Variants in CSMD1 observed in about 807,000 individuals in gnomAD.
CSMD1 encodes the protein CUB and sushi domain-containing protein 1.
In CSMD1, 213 loss-of-function variants were observed where a neutral mutation model predicts 417.5. The observed-to-expected ratio is 0.51, with a 90% confidence interval of 0.46 to 0.57. The LOEUF is 0.57. Ranked by LOEUF, CSMD1 falls within the 20% of genes least tolerant of loss-of-function variation. The pLI is 0.00. For missense variants in CSMD1, 6,923 were observed against 4,529.7 expected (o/e 1.53, Z -15.17); for synonymous variants, 2,862 against 1,736.8 (o/e 1.65, Z -16.11).
At chr8:3,312,135 A>T (rs537902736) in intron 23 of CSMD1, among the ~76,000 whole-genome samples, 1 of 152,226 alleles carries the variant, frequency 6.6e-6, no homozygotes, top group Non-Finnish European at 1.5e-5. Flanking sequence ...TGTATCCATT[A>T]AAATGTCTAC....
At chr8:4,747,630 T>A (rs1465868115) in intron 1 of CSMD1, among the ~76,000 whole-genome samples, 1 of 152,214 alleles carries the variant, frequency 6.6e-6, no homozygotes, top group African/African-American at 2.4e-5. Context: ...GTTAGCATCA[T>A]TATCAACCTT....
At chr8:3,833,067 G>C (rs900953090) in intron 5 of CSMD1, among the ~76,000 whole-genome samples, 2 of 152,094 alleles carry the variant, frequency 1.3e-5, no homozygotes, top group African/African-American at 4.8e-5. Context: ...GCAGCTGTTT[G>C]AATGTTTCTG....
In CSMD1 at chr8:4,139,621, G is replaced by T. The variant is rs1276447444; in HGVS notation, c.416-107522C>A. Reference sequence around the variant, plus strand: ...CAAGGGGACAAGGAGCAGAGGAAGGGCATTTGGAATAGTGGGACCAGCAGA... The same window carrying T: ...CAAGGGGACAAGGAGCAGAGGAAGGTCATTTGGAATAGTGGGACCAGCAGA... On this transcript the variant is annotated intron_variant, in intron 3 of 69. Coordinates refer to ENST00000635120, the MANE Select transcript of CSMD1 (RefSeq NM_033225.6). Among the ~76,000 whole-genome samples, 2 of 151,218 alleles carry T rather than the reference G, an allele frequency of 1.3e-5. 1 individual carries two copies. Among genetic ancestry groups the T allele is most frequent in the African/African-American group, 4.9e-5 (2 of 40,520 alleles).
intron 2 of CSMD1, among the ~76,000 whole-genome samples, chr8:4,566,106 A>T (rs1186773629): frequency 6.6e-6 from 1 of 152,098 alleles, no homozygotes; most frequent in East Asian, 1.9e-4. Flanking sequence ...CCAGAATTGT[A>T]CTTTCCAGGA....
At chr8:3,979,634 G>C (rs1041542346) in intron 5 of CSMD1, among the ~76,000 whole-genome samples, 2 of 152,186 alleles carry the variant, frequency 1.3e-5, no homozygotes, top group African/African-American at 2.4e-5. Flanking sequence ...AGAGATTCCA[G>C]AGCTCTCTCC....
chr8:4,715,346 G>A (rs1045743025), intron 1 of CSMD1, among the ~76,000 whole-genome samples: 1 of 152,106 alleles, frequency 6.6e-6, no homozygotes, highest in Non-Finnish European at 1.5e-5. Flanking sequence ...AATTTACAAA[G>A]CAATGCTTCA....
At chr8:3,775,338 C>T (rs141274139) in intron 5 of CSMD1, among the ~76,000 whole-genome samples, 125 of 152,298 alleles carry the variant, frequency 8.2e-4, no homozygotes, top group African/African-American at 2.2e-3. Context: ...ATGTATCCTA[C>T]GCCTTCACCT....
chr8:3,401,179 A>C (rs945563756), intron 15 of CSMD1, among the ~76,000 whole-genome samples: 2 of 152,018 alleles, frequency 1.3e-5, no homozygotes, highest in African/African-American at 4.8e-5. Flanking sequence ...AAGATACTAT[A>C]TAAGAAAGAC....
intron 18 of CSMD1, among the ~76,000 whole-genome samples, chr8:3,370,157 T>C (rs553479164): frequency 6.6e-6 from 1 of 152,344 alleles, no homozygotes; most frequent in African/African-American, 2.4e-5. Context: ...ACCTTTTGAA[T>C]AGACTCCATA....
chr8:3,954,789 C>T (rs893249511), intron 5 of CSMD1, among the ~76,000 whole-genome samples: 1 of 151,628 alleles, frequency 6.6e-6, no homozygotes, highest in Non-Finnish European at 1.5e-5. Flanking sequence ...GAGTTACATG[C>T]ACGCAGAGCC....
intron 5 of CSMD1, among the ~76,000 whole-genome samples, chr8:3,791,906 A>C (rs998543919): frequency 1.3e-5 from 2 of 152,172 alleles, no homozygotes; most frequent in African/African-American, 4.8e-5. Context: ...TGGCATTGAA[A>C]GTAATGGCAA....
intron 2 of CSMD1, among the ~76,000 whole-genome samples, chr8:4,422,623 C>T (rs1370638117): frequency 4.6e-5 from 7 of 152,042 alleles, no homozygotes; most frequent in Admixed American, 3.3e-4. Context: ...GACTCCAGAA[C>T]TGTGAAAAAA....
At chr8:3,579,321 T>A (rs1213708998) in intron 9 of CSMD1, among the ~76,000 whole-genome samples, 1 of 142,882 alleles carries the variant, frequency 7.0e-6, no homozygotes, top group Non-Finnish European at 1.6e-5. Context: ...GTTTGTTTCA[T>A]GCAATTTATC....
intron 42 of CSMD1, among the ~76,000 whole-genome samples, chr8:3,111,666 T>C (rs1816524638): frequency 2.0e-5 from 3 of 152,114 alleles, no homozygotes; most frequent in Admixed American, 2.0e-4. Context: ...ACCCTAACTC[T>C]ACTAAAAATA....
intron 5 of CSMD1, among the ~76,000 whole-genome samples, chr8:3,886,861 G>A (rs542172124): frequency 1.3e-5 from 2 of 152,150 alleles, no homozygotes; most frequent in Non-Finnish European, 2.9e-5. Flanking sequence ...GCCCTCAATG[G>A]CTACACTATA....
intron 3 of CSMD1, among the ~76,000 whole-genome samples, chr8:4,338,136 T>C (rs181687438): frequency 1.3e-5 from 2 of 152,298 alleles, no homozygotes. Context: ...ACTATGATTT[T>C]TATTCCAAAG....
At chr8:4,099,608 C>T (rs1160449855) in intron 3 of CSMD1, among the ~76,000 whole-genome samples, 1 of 151,570 alleles carries the variant, frequency 6.6e-6, no homozygotes, top group Admixed American at 6.6e-5. Flanking sequence ...AAACCATCCC[C>T]CAATTAAAAA....
intron 3 of CSMD1, among the ~76,000 whole-genome samples, chr8:4,046,623 TCC>T (rs776449680): frequency 0.11 from 15,999 of 152,096 alleles, 253 homozygotes; most frequent in East Asian, 0.3. Context: ...TCTTGATAAT[TCC>T]ATCATAACAA....
intron 5 of CSMD1, among the ~76,000 whole-genome samples, chr8:3,841,889 C>T (rs1160332607): frequency 1.3e-5 from 2 of 151,832 alleles, no homozygotes; most frequent in Non-Finnish European, 2.9e-5. Flanking sequence ...CCACACTGGC[C>T]ACGGCAAAGC....
Sources: gnomAD v4.1 joint callset for allele counts (sites outside exome capture counted in the v4.1 genomes callset) on GRCh38, gnomAD v4.1.1 for gene constraint, MANE v1.5 for transcripts, NCBI Gene and HGNC (gene_info 2026-07-23, HGNC 2026-07-21) for gene names.